Variants in UBE2E2 observed in about 807,000 individuals in gnomAD.
The protein encoded by UBE2E2 is ubiquitin-conjugating enzyme E2 E2.
UBE2E2 carries 6 observed loss-of-function variants against 24.7 expected under a neutral mutation model. The ratio of observed to expected loss-of-function variants is 0.24; its 90% CI spans 0.13 to 0.48. UBE2E2 has a LOEUF of 0.48. Ranked by LOEUF, UBE2E2 falls within the 20% of genes least tolerant of loss-of-function variation. The pLI, the probability that UBE2E2 is intolerant of heterozygous loss-of-function variation, is 0.99. For missense variants in UBE2E2, 169 were observed against 245.0 expected (o/e 0.69, Z 2.07); for synonymous variants, 104 against 83.6 (o/e 1.24, Z -1.33).
At chr3:23,565,850 C>T (rs1329321735) in intron 5 of UBE2E2, among the ~76,000 whole-genome samples, 1 of 152,058 alleles carries the variant, frequency 6.6e-6, no homozygotes, top group African/African-American at 2.4e-5. Context: ...CTTTTCTTTC[C>T]TCCTTTTTGT....
chr3:23,316,258 G>A (rs562677463), intron 3 of UBE2E2, among the ~76,000 whole-genome samples: 11 of 152,158 alleles, frequency 7.2e-5, no homozygotes, highest in East Asian at 1.9e-4. Context: ...GCGAGGGCCC[G>A]GAGGTGGAAA....
intron 5 of UBE2E2, among the ~76,000 whole-genome samples, chr3:23,559,364 A>G (rs1159346946): frequency 1.3e-5 from 2 of 152,122 alleles, no homozygotes; most frequent in African/African-American, 4.8e-5. Flanking sequence ...CCTGTAGTCA[A>G]CCTTAACCGT....
chr3:23,337,451 A>G (rs774931266), intron 3 of UBE2E2, among the ~76,000 whole-genome samples: 1 of 152,190 alleles, frequency 6.6e-6, no homozygotes, highest in Admixed American at 6.6e-5. Context: ...TAAGGAATTG[A>G]TAATCTAGCT....
At chr3:23,393,458 G>C (rs1395055204) in intron 3 of UBE2E2, among the ~76,000 whole-genome samples, 1 of 152,196 alleles carries the variant, frequency 6.6e-6, no homozygotes, top group African/African-American at 2.4e-5. Flanking sequence ...GTGCTTGTTA[G>C]ACTTGTAAAT....
chr3:23,567,513 A>G (rs1158411114), intron 5 of UBE2E2, among the ~76,000 whole-genome samples: 3 of 152,210 alleles, frequency 2.0e-5, no homozygotes, highest in African/African-American at 7.2e-5. Flanking sequence ...AGACCAAGCA[A>G]AAGGTCACTT....
At chr3:23,587,199 A>G (rs1408345051) in intron 5 of UBE2E2, among the ~76,000 whole-genome samples, 5 of 152,252 alleles carry the variant, frequency 3.3e-5, no homozygotes, top group African/African-American at 9.6e-5. Context: ...AACGCACGCT[A>G]ATTGTTACCA....
rs551573392 is a variant in UBE2E2 at position 23,262,355 on chromosome 3, A to G, written c.227+45043A>G. ...GACTGAAGTGGCGCGATCATAGCCC[A>G]TTGCAGCCAACTCCTGGGCTTAAGG... On this transcript the variant is annotated intron_variant, in intron 3 of 5. Coordinates refer to ENST00000396703, the MANE Select transcript of UBE2E2 (RefSeq NM_152653.4). 6.6e-5 allele frequency among the ~76,000 whole-genome samples: 10 copies of G among 152,082 alleles called. 1 individual carries two copies. The South Asian group carries it at 2.1e-3, about 32-fold the overall frequency.
chr3:23,328,958 G>C (rs551366299), intron 3 of UBE2E2, among the ~76,000 whole-genome samples: 1 of 152,096 alleles, frequency 6.6e-6, no homozygotes, highest in Non-Finnish European at 1.5e-5. Context: ...CATCGTGCCC[G>C]GCCTAAAATG....
rs555122266 is a variant in UBE2E2, at chr3:23,527,642, A to G, written c.361-4912A>G. 2.3e-3 allele frequency among the ~76,000 whole-genome samples: 344 copies of G among 152,252 alleles called. 1 individual carries two copies. The highest frequency in any genetic ancestry group is 8.1e-3 in the African/African-American group (335 of 41,542). On this transcript the variant is annotated intron_variant, in intron 4 of 5. Coordinates refer to ENST00000396703, the MANE Select transcript of UBE2E2 (RefSeq NM_152653.4). ...CCCCTTTCCCCTATAACCCTCAGGG[A>G]GAGGAGAGCATCTGAAATTTGAGTT...
At chr3:23,363,426 T>C (rs1428118765) in intron 3 of UBE2E2, among the ~76,000 whole-genome samples, 1 of 152,134 alleles carries the variant, frequency 6.6e-6, no homozygotes, top group South Asian at 2.1e-4. Context: ...ATGACACTCA[T>C]AGGCTATAAG....
At chr3:23,263,069 G>T (rs1230281072) in intron 3 of UBE2E2, among the ~76,000 whole-genome samples, 1 of 152,148 alleles carries the variant, frequency 6.6e-6, no homozygotes, top group Non-Finnish European at 1.5e-5. Context: ...TGGAGAGAAG[G>T]AACTTTTAGG....
chr3:23,396,751 A>G (rs1033230888), intron 3 of UBE2E2, among the ~76,000 whole-genome samples: 1 of 152,218 alleles, frequency 6.6e-6, no homozygotes, highest in Non-Finnish European at 1.5e-5. Context: ...GATAAATAAC[A>G]TAAAATACAA....
chr3:23,337,056 C>G (rs1695229919), intron 3 of UBE2E2, among the ~76,000 whole-genome samples: 1 of 151,190 alleles, frequency 6.6e-6, no homozygotes, highest in Non-Finnish European at 1.5e-5. Flanking sequence ...GAGAGGATCA[C>G]TTGAGCCTGG....
chr3:23,301,612 C>T (rs1434093987), intron 3 of UBE2E2, among the ~76,000 whole-genome samples: 1 of 152,220 alleles, frequency 6.6e-6, no homozygotes, highest in Non-Finnish European at 1.5e-5. Context: ...TGATGAACCA[C>T]AGATGCTGCT....
chr3:23,483,479 G>A (rs1699298082), intron 3 of UBE2E2, among the ~76,000 whole-genome samples: 1 of 152,156 alleles, frequency 6.6e-6, no homozygotes, highest in Admixed American at 6.5e-5. Flanking sequence ...GAGAACTGAG[G>A]CTCAGTGGTA....
intron 3 of UBE2E2, among the ~76,000 whole-genome samples, chr3:23,438,372 GC>G (rs1395885246): frequency 6.6e-6 from 1 of 152,166 alleles, no homozygotes; most frequent in Non-Finnish European, 1.5e-5. Context: ...TTCCATAGGA[GC>G]CTGTGGAAGG....
At chr3:23,456,469 A>G (rs867641496) in intron 3 of UBE2E2, among the ~76,000 whole-genome samples, 1 of 152,220 alleles carries the variant, frequency 6.6e-6, no homozygotes, top group Non-Finnish European at 1.5e-5. Flanking sequence ...TTCTTCAATA[A>G]TAACACTTGA....
At chr3:23,314,356 C>T (rs951110646) in intron 3 of UBE2E2, among the ~76,000 whole-genome samples, 1 of 152,128 alleles carries the variant, frequency 6.6e-6, no homozygotes, top group Non-Finnish European at 1.5e-5. Context: ...TCTCATACTC[C>T]TGGGCTCAAG....
At chr3:23,575,587 A>G (rs756311965) in intron 5 of UBE2E2, among the ~76,000 whole-genome samples, 5 of 152,194 alleles carry the variant, frequency 3.3e-5, no homozygotes, top group Non-Finnish European at 7.4e-5. Context: ...AATTAAATAC[A>G]GGTACAACGA....
Sources: gnomAD v4.1 joint callset for allele counts (sites outside exome capture counted in the v4.1 genomes callset) on GRCh38, gnomAD v4.1.1 for gene constraint, MANE v1.5 for transcripts, NCBI Gene and HGNC (gene_info 2026-07-23, HGNC 2026-07-21) for gene names.